Variants in SHQ1 observed in about 807,000 individuals in gnomAD.
SHQ1 encodes SHQ1, H/ACA ribonucleoprotein assembly factor.
In SHQ1, 49 loss-of-function variants were observed where a neutral mutation model predicts 53.8. The ratio of observed to expected loss-of-function variants is 0.91; its 90% CI spans 0.72 to 1.16. SHQ1 has a LOEUF of 1.16. Ranked by LOEUF, SHQ1 falls within the 50% of genes most tolerant of loss-of-function variation. The pLI is 0.00. For synonymous variants in SHQ1, 243 were observed against 251.0 expected (o/e 0.97, Z 0.30); for missense variants, 738 against 683.1 (o/e 1.08, Z -0.90).
At chr3:72,759,550 G>A (rs538008903) in intron 10 of SHQ1, among the ~76,000 whole-genome samples, 14 of 152,204 alleles carry the variant, frequency 9.2e-5, no homozygotes, top group Middle Eastern at 3.4e-3. Flanking sequence ...AATTAGCCGG[G>A]TGTGGTAGCA....
rs527930281 is a variant in SHQ1, at chr3:72,781,065, CT to C, written c.1181+11850del. 4.9e-3 allele frequency among the ~76,000 whole-genome samples: 637 copies of C among 131,074 alleles called. 1 individual carries two copies. Among genetic ancestry groups the C allele is most frequent in the South Asian group, 0.025 (102 of 4,090 alleles). The allele number at this position is 131,074 out of a possible 152,430, so 86.0% of individuals were successfully genotyped here. The stretch of plus-strand genomic sequence containing the variant: ...GCAATTTTCTTCTCTTTTTTTTTTT[CT>C]TTTTTTTTTTTTTGAGACAGTCTCA... On this transcript the variant is annotated intron_variant, in intron 10 of 10. Transcript: ENST00000325599.
At chr3:72,821,879 T>G (rs1575722797) in intron 6 of SHQ1, among the ~76,000 whole-genome samples, 1 of 152,204 alleles carries the variant, frequency 6.6e-6, no homozygotes, top group African/African-American at 2.4e-5. Flanking sequence ...GCCCCAAATA[T>G]TTGAACCAGG....
intron 10 of SHQ1, among the ~76,000 whole-genome samples, chr3:72,769,747 C>T (rs572043352): frequency 6.6e-6 from 1 of 152,306 alleles, no homozygotes; most frequent in African/African-American, 2.4e-5. Context: ...GTCTCTACAA[C>T]CAGTCTAAAT....
At chr3:72,738,606 T>C in the SHQ1 span, among the ~76,000 whole-genome samples, 1 of 152,184 alleles carries the variant, frequency 6.6e-6, no homozygotes, top group Admixed American at 6.5e-5. Context: ...CAGGTTATTG[T>C]TTCCCCATCC....
At chr3:72,738,377 CCT>C in the SHQ1 span, among the ~76,000 whole-genome samples, 9 of 152,242 alleles carry the variant, frequency 5.9e-5, no homozygotes, top group Non-Finnish European at 1.2e-4. Context: ...CCAGGAAGGC[CCT>C]GTTTTTGATC....
chr3:72,773,082 G>C (rs1705889422), intron 10 of SHQ1: 2 of 824,294 alleles, frequency 2.4e-6, no homozygotes, highest in East Asian at 2.5e-5. Context: ...ACTCGGAAAT[G>C]AGTGAGGAAA....
chr3:72,846,447 C>T, intron 1 of SHQ1: 1 of 708,424 alleles, frequency 1.4e-6, no homozygotes, highest in Non-Finnish European at 2.3e-6. Flanking sequence ...AAGCGCGTGC[C>T]ATCAAGCCCA....
chr3:72,735,750 A>AAGGCAGGCAGGC, the SHQ1 span, among the ~76,000 whole-genome samples: 1 of 122,544 alleles, frequency 8.2e-6, no homozygotes, highest in African/African-American at 3.3e-5. Flanking sequence ...GGAAGGAAGG[A>AAGGCAGGCAGGC]AGGCAGGCAG....
At chr3:72,786,907 A>T (rs1188509713) in intron 10 of SHQ1, among the ~76,000 whole-genome samples, 2 of 152,366 alleles carry the variant, frequency 1.3e-5, no homozygotes, top group East Asian at 1.9e-4. Context: ...GGAACCAGGA[A>T]CAACAGAGAG....
intron 5 of SHQ1, among the ~76,000 whole-genome samples, chr3:72,831,845 G>T (rs534372772): frequency 3.9e-5 from 6 of 152,144 alleles, no homozygotes; most frequent in African/African-American, 1.4e-4. Context: ...AAATAATACA[G>T]CAAAACTTCA....
chr3:72,754,509 G>T (rs748424591), intron 10 of SHQ1, among the ~76,000 whole-genome samples: 29 of 151,882 alleles, frequency 1.9e-4, no homozygotes, highest in Non-Finnish European at 1.5e-5. Flanking sequence ...CGCCTCCCGA[G>T]TAGCTGGAAT....
intron 1 of SHQ1, among the ~76,000 whole-genome samples, chr3:72,845,558 C>T (rs915464356): frequency 2.0e-5 from 3 of 152,002 alleles, no homozygotes; most frequent in African/African-American, 7.2e-5. Context: ...ATCAGTCTTC[C>T]ACTGAGGCTC....
At chr3:72,755,096 AG>A (rs1705471939) in intron 10 of SHQ1, among the ~76,000 whole-genome samples, 1 of 152,194 alleles carries the variant, frequency 6.6e-6, no homozygotes, top group African/African-American at 2.4e-5. Flanking sequence ...CAAGTGTAAC[AG>A]GCAGAAAAGT....
chr3:72,794,464 G>C (rs1235874035), intron 9 of SHQ1: 2 of 152,176 alleles, frequency 1.3e-5, no homozygotes, highest in Non-Finnish European at 2.9e-5. Context: ...CTTAAACCTT[G>C]AAAATTTCTT....
intron 10 of SHQ1, chr3:72,752,942 C>T (rs752564595): frequency 7.2e-5 from 71 of 979,600 alleles, no homozygotes; most frequent in Non-Finnish European, 8.2e-5. Context: ...GGATTACAGG[C>T]GTGAGCCACC....
At chr3:72,825,481 A>T (rs1220254035) in intron 5 of SHQ1, among the ~76,000 whole-genome samples, 1 of 152,178 alleles carries the variant, frequency 6.6e-6, no homozygotes, top group Admixed American at 6.5e-5. Flanking sequence ...TCCTTAAACT[A>T]CTGAAGAAGA....
chr3:72,833,706 A>C (rs910118162), intron 4 of SHQ1, among the ~76,000 whole-genome samples: 7 of 152,222 alleles, frequency 4.6e-5, no homozygotes, highest in African/African-American at 1.7e-4. Flanking sequence ...CATGTTTCCC[A>C]AGCCAAATCC....
intron 6 of SHQ1, among the ~76,000 whole-genome samples, chr3:72,822,663 C>G (rs1208361294): frequency 6.6e-6 from 1 of 152,178 alleles, no homozygotes; most frequent in African/African-American, 2.4e-5. Context: ...AGTTGACACA[C>G]TTGATGATTT....
At chr3:72,742,623 T>C in the SHQ1 span, among the ~76,000 whole-genome samples, 2 of 146,842 alleles carry the variant, frequency 1.4e-5, no homozygotes, top group Admixed American at 6.8e-5. Context: ...TTTTTTCTTT[T>C]TTTTTTTTTT....
Sources: gnomAD v4.1 joint callset for allele counts (sites outside exome capture counted in the v4.1 genomes callset) on GRCh38, gnomAD v4.1.1 for gene constraint, MANE v1.5 for transcripts, NCBI Gene and HGNC (gene_info 2026-07-23, HGNC 2026-07-21) for gene names.